RAI14: variants seen among roughly 807,000 people sequenced by gnomAD.
RAI14 encodes the protein ankycorbin.
Under a neutral mutation model 115.4 loss-of-function variants are expected in RAI14, and 45 were observed. The ratio of observed to expected loss-of-function variants is 0.39; its 90% confidence interval spans 0.31 to 0.50. The LOEUF is 0.50. Among genes scored for constraint, RAI14 ranks in the 20% least tolerant of loss-of-function variants. RAI14 has a pLI of 0.85. For missense variants in RAI14, 939 were observed against 1,131.2 expected (o/e 0.83, Z 2.44); for synonymous variants, 371 against 415.4 (o/e 0.89, Z 1.30).
At chr5:34,759,290 A>C (rs1166916060) in intron 3 of RAI14, among the ~76,000 whole-genome samples, 1 of 151,892 alleles carries the variant, frequency 6.6e-6, no homozygotes, top group Non-Finnish European at 1.5e-5. Context: ...GTTGAGTGCT[A>C]CTCTAGGGGA....
intron 3 of RAI14, among the ~76,000 whole-genome samples, chr5:34,778,878 C>A (rs1751246924): frequency 6.6e-6 from 1 of 151,926 alleles, no homozygotes; most frequent in African/African-American, 2.4e-5. Context: ...TTTTATGAGG[C>A]CAGCATCATC....
chr5:34,815,626 A>G (rs997888892), intron 12 of RAI14, among the ~76,000 whole-genome samples: 1 of 152,158 alleles, frequency 6.6e-6, no homozygotes, highest in African/African-American at 2.4e-5. Context: ...AGAAGCAGAG[A>G]GTAGAATGAT....
At chr5:34,695,327 CA>C (rs1236521923) in intron 2 of RAI14, among the ~76,000 whole-genome samples, 1 of 152,202 alleles carries the variant, frequency 6.6e-6, no homozygotes, top group Non-Finnish European at 1.5e-5. Context: ...GTAGTTCTAA[CA>C]AGGTAGAAGT....
chr5:34,734,686 G>A (rs1368919291), intron 2 of RAI14, among the ~76,000 whole-genome samples: 2 of 150,994 alleles, frequency 1.3e-5, no homozygotes, highest in Non-Finnish European at 2.9e-5. Context: ...TTTTTTGACA[G>A]AGTCTTGCTC....
chr5:34,754,089 G>GA (rs34435679), intron 2 of RAI14, among the ~76,000 whole-genome samples: 71,566 of 148,326 alleles, frequency 0.48, 17,768 homozygotes, highest in South Asian at 0.67. Context: ...TCAAAAGAAA[G>GA]AAAAAAAAAA....
chr5:34,751,384 C>T (rs1746996697), intron 2 of RAI14, among the ~76,000 whole-genome samples: 1 of 152,136 alleles, frequency 6.6e-6, no homozygotes, highest in Non-Finnish European at 1.5e-5. Context: ...CTCAAGTGAT[C>T]TGCCCACCTC....
chr5:34,693,735 T>C (rs77325401), intron 2 of RAI14, among the ~76,000 whole-genome samples: 4,137 of 152,286 alleles, frequency 0.027, 196 homozygotes, highest in African/African-American at 0.095. Context: ...CAGCACACGC[T>C]TGCTAACAGG....
chr5:34,754,456 G>A (rs150502093), intron 2 of RAI14, among the ~76,000 whole-genome samples: 145 of 152,100 alleles, frequency 9.5e-4, no homozygotes, highest in African/African-American at 3.0e-3. Context: ...GAGTGGTCTC[G>A]AACTCAAGCA....
intron 2 of RAI14, among the ~76,000 whole-genome samples, chr5:34,747,519 G>A (rs1194671430): frequency 6.6e-6 from 1 of 152,124 alleles, no homozygotes; most frequent in African/African-American, 2.4e-5. Flanking sequence ...TAGTACATAA[G>A]ATAAACACAC....
At chr5:34,795,810 G>A (rs1753443968) in intron 3 of RAI14, 129 bp from the exon 4 acceptor site, 1 of 607,422 alleles carries the variant, frequency 1.6e-6, no homozygotes, top group Non-Finnish European at 2.9e-6. Flanking sequence ...TGCCTAGTCA[G>A]TGGGTGCTTG....
intron 1 of RAI14, among the ~76,000 whole-genome samples, chr5:34,686,657 G>GA (rs968506402): frequency 6.6e-6 from 1 of 151,876 alleles, no homozygotes; most frequent in Non-Finnish European, 1.5e-5. Context: ...TAATAAGAAG[G>GA]AAAAAATTAA....
At chr5:34,687,711 A>G (rs1233940119) in intron 2 of RAI14, 1 of 1,551,520 alleles carries the variant, frequency 6.4e-7, no homozygotes, top group East Asian at 2.4e-5. Flanking sequence ...AGGGAATTAG[A>G]TGGAAGCCAA....
At chr5:34,792,760 C>T (rs929620470) in intron 3 of RAI14, among the ~76,000 whole-genome samples, 2 of 152,120 alleles carry the variant, frequency 1.3e-5, no homozygotes, top group Admixed American at 6.5e-5. Context: ...ACTATCTATC[C>T]TTATAGAATG....
intron 2 of RAI14, among the ~76,000 whole-genome samples, chr5:34,751,010 C>T (rs1358071587): frequency 1.3e-5 from 2 of 151,674 alleles, no homozygotes; most frequent in Non-Finnish European, 2.9e-5. Context: ...CGCCACCATG[C>T]CTGGCTCATT....
At chr5:34,800,445 G>A (rs919964883) in intron 4 of RAI14, among the ~76,000 whole-genome samples, 6 of 152,148 alleles carry the variant, frequency 3.9e-5, no homozygotes, top group African/African-American at 1.2e-4. Flanking sequence ...AGCTATATGG[G>A]AGTCAGAGAT....
At chr5:34,698,732 T>G (rs761817473) in intron 2 of RAI14, among the ~76,000 whole-genome samples, 2 of 152,234 alleles carry the variant, frequency 1.3e-5, no homozygotes, top group Non-Finnish European at 2.9e-5. Flanking sequence ...CTATACGTCA[T>G]TGAAAGCCTG....
intron 1 of RAI14, 51 bp from the exon 2 acceptor site, chr5:34,686,821 A>C: frequency 8.0e-7 from 1 of 1,245,208 alleles, no homozygotes; most frequent in South Asian, 1.3e-5. Flanking sequence ...TCCAATCAGG[A>C]GAGAATACCT....
At chr5:34,669,077 G>C (rs1743434803) in intron 1 of RAI14, among the ~76,000 whole-genome samples, 1 of 152,104 alleles carries the variant, frequency 6.6e-6, no homozygotes, top group South Asian at 2.1e-4. Flanking sequence ...GGATGGTCTT[G>C]ATCTCCTGAA....
chr5:34,754,865 A>G (rs774059607), intron 2 of RAI14, among the ~76,000 whole-genome samples: 15 of 152,118 alleles, frequency 9.9e-5, no homozygotes, highest in Non-Finnish European at 2.1e-4. Context: ...ATTTTTCTCT[A>G]CCTAAGAGTA....
Sources: gnomAD v4.1 joint callset for allele counts (sites outside exome capture counted in the v4.1 genomes callset) on GRCh38, gnomAD v4.1.1 for gene constraint, MANE v1.5 for transcripts, NCBI Gene and HGNC (gene_info 2026-07-23, HGNC 2026-07-21) for gene names.